Variants in BHMT2 observed in about 807,000 individuals in gnomAD.
BHMT2 encodes the protein betaine--homocysteine S-methyltransferase 2.
A neutral mutation model predicts 39.0 loss-of-function variants in BHMT2; 28 were observed. The ratio of observed to expected loss-of-function variants is 0.72; its 90% CI spans 0.53 to 0.98. The LOEUF is 0.98. Among genes scored for constraint, BHMT2 ranks in the 50% least tolerant of loss-of-function variants. BHMT2 has a pLI of 0.00. For synonymous variants in BHMT2, 145 were observed against 160.6 expected (o/e 0.90, Z 0.74); for missense variants, 410 against 455.6 (o/e 0.90, Z 0.91).
At position 79,088,874 on chromosome 5, in the gene BHMT2, A is replaced by G. The variant is rs1357516079; in HGVS notation, c.*300A>G. On this transcript the variant is annotated 3_prime_UTR_variant, in exon 8 of 8. Transcript: ENST00000255192. ...TGCATTCCTTTGAAGATCATGAAGA[A>G]TAGCCAAACTTGTCTTTGAGGGTGA... The G allele has an allele frequency of 1.3e-5, 3 of 227,174 alleles. No homozygotes were observed. Among genetic ancestry groups the G allele is most frequent in the African/African-American group, 6.8e-5 (3 of 43,972 alleles). 14.1% of individuals were successfully genotyped at this position (227,174 alleles called of 1,614,324 possible).
intron 1 of BHMT2, among the ~76,000 whole-genome samples, chr5:79,072,175 G>A (rs1755592611): frequency 2.0e-5 from 3 of 152,064 alleles, no homozygotes; most frequent in African/African-American, 4.8e-5. Flanking sequence ...GCTGAGGCAG[G>A]AGAATTGCTT....
At chr5:79,079,174 G>C (rs772625363) in intron 2 of BHMT2, among the ~76,000 whole-genome samples, 195 bp from the exon 3 acceptor site, 23 of 152,156 alleles carry the variant, frequency 1.5e-4, no homozygotes, top group Middle Eastern at 3.2e-3. Flanking sequence ...ACAATACAAG[G>C]CTGCTCTAAA....
intron 1 of BHMT2, among the ~76,000 whole-genome samples, chr5:79,076,416 C>T (rs890088682): frequency 4.6e-5 from 7 of 151,896 alleles, no homozygotes; most frequent in Middle Eastern, 3.2e-3. Context: ...AACATTTGGG[C>T]GCAAAAACAG....
chr5:79,077,674 A>G (rs1381918143), intron 2 of BHMT2, 62 bp downstream of exon 2: 11 of 1,540,744 alleles, frequency 7.1e-6, no homozygotes, highest in Non-Finnish European at 9.7e-6. Context: ...TCTGATTGAG[A>G]GAAGATCAAG....
Position 79,088,902 on chromosome 5 carries a change from T to G in BHMT2, c.*328T>G. 1 of 197,816 alleles carries G rather than the reference T, an allele frequency of 5.1e-6. No homozygotes were observed. Among genetic ancestry groups the G allele is most frequent in the Non-Finnish European group, 1.0e-5 (1 of 97,590 alleles). The allele number at this position is 197,816 out of a possible 1,614,324, so 12.3% of individuals were successfully genotyped here. A position where few individuals can be genotyped will look rare whatever the true frequency, so the allele number is the denominator to read the frequency against. On this transcript the variant is annotated 3_prime_UTR_variant, in exon 8 of 8. Transcript: ENST00000255192. ...GCCAAACTTGTCTTTGAGGGTGAAT[T>G]TGACACTTTAAAATAATCAGAAGTC...
chr5:79,070,706 A>G (rs1185422246), intron 1 of BHMT2, among the ~76,000 whole-genome samples: 1 of 152,196 alleles, frequency 6.6e-6, no homozygotes, highest in Non-Finnish European at 1.5e-5. Context: ...GCAATACGGG[A>G]TTCTAAATAA....
intron 7 of BHMT2, among the ~76,000 whole-genome samples, chr5:79,084,326 C>T (rs1015839108): frequency 2.0e-5 from 3 of 152,024 alleles, no homozygotes; most frequent in African/African-American, 7.2e-5. Flanking sequence ...GTCCAGGCTG[C>T]AGTGCAATGA....
At chr5:79,084,392 G>A (rs1755855089) in intron 7 of BHMT2, among the ~76,000 whole-genome samples, 1 of 152,074 alleles carries the variant, frequency 6.6e-6, no homozygotes, top group South Asian at 2.1e-4. Flanking sequence ...TTCTGCCTCT[G>A]CCTCCCGAGT....
intron 7 of BHMT2, among the ~76,000 whole-genome samples, chr5:79,085,127 T>C (rs924562707): frequency 1.1e-4 from 16 of 152,232 alleles, no homozygotes; most frequent in African/African-American, 3.9e-4. Flanking sequence ...TCTCTGTAGG[T>C]TGATCCTAAA....
chr5:79,084,988 C>A (rs1260409527), intron 7 of BHMT2, among the ~76,000 whole-genome samples: 1 of 152,060 alleles, frequency 6.6e-6, no homozygotes, highest in East Asian at 1.9e-4. Context: ...GAATAGATTC[C>A]CCTCTGCTTC....
At chr5:79,073,199 A>G (rs1245910346) in intron 1 of BHMT2, among the ~76,000 whole-genome samples, 3 of 152,118 alleles carry the variant, frequency 2.0e-5, no homozygotes, top group African/African-American at 4.8e-5. Context: ...CCTGACCTCA[A>G]GTGATCTGCC....
At chr5:79,081,020 T>C (rs1755778004) in intron 4 of BHMT2, 142 bp downstream of exon 4, 1 of 744,138 alleles carries the variant, frequency 1.3e-6, no homozygotes, top group Non-Finnish European at 2.0e-6. Flanking sequence ...AAATGCATGG[T>C]AGTCAAGGCC....
At position 79,080,802 on chromosome 5, in the gene BHMT2, A is replaced by T. The variant is rs1403936478; in HGVS notation, c.374A>T (p.Glu125Val). ...TCAATATACAAATACCAGAAGGATG[A>T]AGCTAGAATTAAAAAACTTTTTCGA... ...QTSIYKYQKD[E>V]ARIKKLFRQQ... Residue 125 changes from glutamate to valine, a missense_variant, in exon 4 of 8, where the codon GAA (glutamate) becomes GTA (valine). Glu to Val is a moderately radical substitution (Grantham distance 121). Transcript: ENST00000255192. 6.2e-7 allele frequency: 1 copy of T among 1,605,450 alleles called. No homozygotes were observed. The highest frequency in any genetic ancestry group is 1.1e-5 in the South Asian group (1 of 88,732).
At chr5:79,071,384 T>C (rs142271000) in intron 1 of BHMT2, among the ~76,000 whole-genome samples, 36 of 152,256 alleles carry the variant, frequency 2.4e-4, no homozygotes, top group African/African-American at 8.7e-4. Flanking sequence ...CCACTGAGTA[T>C]GAATAGAGAT....
chr5:79,077,599 A>T lies in BHMT2; in HGVS notation c.153A>T (p.Glu51Asp). ...AGLWTPEAVIEHPDAVRQLHM... is the reference protein window; with the variant it reads ...AGLWTPEAVIDHPDAVRQLHM... Reference sequence around the variant, plus strand: ...TCTGGACTCCAGAGGCAGTGATAGAACACCCAGACGCAGGTTGGTGTCCAC... The same window carrying T: ...TCTGGACTCCAGAGGCAGTGATAGATCACCCAGACGCAGGTTGGTGTCCAC... Residue 51 changes from glutamate (E) to aspartate (D), a missense_variant, in exon 2 of 8, where the codon GAA becomes GAT. Coordinates refer to ENST00000255192, the MANE Select transcript of BHMT2 (RefSeq NM_017614.5). 2 of 1,613,868 alleles carry T rather than the reference A, an allele frequency of 1.2e-6. No individual in the cohort carries two copies. The highest frequency in any genetic ancestry group is 8.5e-7 in the Non-Finnish European group (1 of 1,179,896).
chr5:79,089,922 C>G lies in BHMT2; in HGVS notation c.*1348C>G, dbSNP rs1246844699. 6.6e-6 allele frequency among the ~76,000 whole-genome samples: 1 copy of G among 152,198 alleles called. No individual in the cohort carries two copies. The highest frequency in any genetic ancestry group is 1.9e-4 in the East Asian group (1 of 5,194). On this transcript the variant is annotated 3_prime_UTR_variant, in exon 8 of 8. Coordinates refer to ENST00000255192, the MANE Select transcript of BHMT2 (RefSeq NM_017614.5). ...GGCAGAGGTTGCAGTGAGCTGAGAT[C>G]GCCCCACTGCAATCCAGCCTGGGAG...
chr5:79,075,890 T>A (rs537989277), intron 1 of BHMT2, among the ~76,000 whole-genome samples: 1 of 152,278 alleles, frequency 6.6e-6, no homozygotes, highest in Non-Finnish European at 1.5e-5. Flanking sequence ...CATGGCAGCA[T>A]CTAGGGGTGA....
At chr5:79,083,453 T>G in intron 6 of BHMT2, 79 bp downstream of exon 6, 2 of 1,508,282 alleles carry the variant, frequency 1.3e-6, no homozygotes, top group Non-Finnish European at 1.8e-6. Context: ...GTGGCCCAGT[T>G]TTACAATAAG....
rs765058479 is a variant in BHMT2 at position 79,077,471 on chromosome 5, C to A, written c.34-9C>A. ...AGCGGAGCTTAGGTGCTTTTTTTCT[C>A]TTCTTCAGGGGATTTTGGAGCGCCT... On this transcript the variant is annotated splice_polypyrimidine_tract_variant and intron_variant, in intron 1 of 7. Coordinates refer to ENST00000255192, the MANE Select transcript of BHMT2 (RefSeq NM_017614.5). The A allele has an allele frequency of 1.3e-6, 2 of 1,594,196 alleles. No homozygotes were observed.
Sources: allele counts gnomAD v4.1 joint callset (sites outside exome capture counted in the v4.1 genomes callset), GRCh38; gene constraint gnomAD v4.1.1; transcripts MANE v1.5; gene names NCBI Gene and HGNC (gene_info 2026-07-23, HGNC 2026-07-21).